The following SNX29 variants were observed in gnomAD, a reference collection of about 807,000 sequenced individuals.
The protein encoded by SNX29 is sorting nexin 29, also known as sorting nexin-29.
Under a neutral mutation model 102.1 loss-of-function variants are expected in SNX29, and 78 were observed. The ratio of observed to expected loss-of-function variants is 0.76; its 90% CI spans 0.64 to 0.92. The LOEUF (loss-of-function observed/expected upper bound fraction) is 0.92, where lower values mean the gene tolerates loss of function less well. Ranked by LOEUF, SNX29 falls within the 40% of genes least tolerant of loss-of-function variation. The pLI, the probability that SNX29 is intolerant of heterozygous loss-of-function variation, is 0.00. For synonymous variants in SNX29, 580 were observed against 414.5 expected (o/e 1.40, Z -4.85); for missense variants, 1,280 against 1,061.7 (o/e 1.21, Z -2.86).
intron 18 of SNX29, among the ~76,000 whole-genome samples, chr16:12,474,881 G>C (rs1325182593): frequency 6.6e-6 from 1 of 152,186 alleles, no homozygotes; most frequent in Non-Finnish European, 1.5e-5. Context: ...TTCTCTACTT[G>C]GTTAAAATAA....
chr16:12,213,186 A>G (rs2077233755), intron 14 of SNX29, among the ~76,000 whole-genome samples: 1 of 152,330 alleles, frequency 6.6e-6, no homozygotes, highest in Admixed American at 6.5e-5. Flanking sequence ...TTTTGCAGCC[A>G]CTTGGATGGA....
intron 13 of SNX29, among the ~76,000 whole-genome samples, chr16:12,171,109 A>G (rs2076140730): frequency 6.6e-6 from 1 of 152,084 alleles, no homozygotes. Flanking sequence ...CTAGCTCCTC[A>G]TGGACCCTGT....
intron 14 of SNX29, among the ~76,000 whole-genome samples, chr16:12,236,022 T>TTTC: frequency 6.6e-6 from 1 of 152,130 alleles, no homozygotes; most frequent in South Asian, 2.1e-4. Context: ...TATTTAAAAC[T>TTTC]CTCTGTTTCC....
At chr16:12,283,512 G>T (rs1405570188) in intron 15 of SNX29, among the ~76,000 whole-genome samples, 2 of 151,888 alleles carry the variant, frequency 1.3e-5, no homozygotes, top group East Asian at 1.9e-4. Flanking sequence ...TAGAGATGGG[G>T]ATTTCACCAT....
At chr16:12,000,941 A>C (rs2056265430) in intron 2 of SNX29, among the ~76,000 whole-genome samples, 1 of 152,148 alleles carries the variant, frequency 6.6e-6, no homozygotes, top group African/African-American at 2.4e-5. Context: ...AAAGTAGGTA[A>C]AGGGCCTGGA....
intron 3 of SNX29, among the ~76,000 whole-genome samples, chr16:12,013,542 T>TATATATATATATATAG: frequency 9.2e-6 from 1 of 109,074 alleles, no homozygotes; most frequent in South Asian, 3.0e-4. Flanking sequence ...TATATATATA[T>TATATATATATATATAG]CGAGAGAGGA....
At chr16:12,548,177 T>C (rs545310129) in intron 20 of SNX29, among the ~76,000 whole-genome samples, 2 of 152,320 alleles carry the variant, frequency 1.3e-5, no homozygotes, top group African/African-American at 4.8e-5. Context: ...ACATTTGCTC[T>C]CTTGCTCATC....
At position 12,509,689 on chromosome 16, in the gene SNX29, T is replaced by C. The variant is rs997267092; in HGVS notation, c.2179-15013T>C. 3.9e-5 allele frequency among the ~76,000 whole-genome samples: 6 copies of C among 152,140 alleles called. No individual in the cohort carries two copies. The East Asian group carries it at 1.2e-3, about 29-fold the overall frequency. ...ATCGCAGCACTTTGGGAGGCCAAGG[T>C]GGGAGGATGGCTTCAGCCCAGGAGT... On this transcript the variant is annotated intron_variant, in intron 19 of 20. Coordinates refer to ENST00000566228, the MANE Select transcript of SNX29 (RefSeq NM_032167.5).
At chr16:12,539,872 T>A (rs376583607) in intron 20 of SNX29, among the ~76,000 whole-genome samples, 1 of 152,258 alleles carries the variant, frequency 6.6e-6, no homozygotes, top group Non-Finnish European at 1.5e-5. Flanking sequence ...TTGCCTGTTC[T>A]TAGAAACTAG....
intron 18 of SNX29, among the ~76,000 whole-genome samples, chr16:12,439,143 C>T (rs1275666839): frequency 6.6e-6 from 1 of 152,204 alleles, no homozygotes; most frequent in Non-Finnish European, 1.5e-5. Context: ...TGCTCTTGTC[C>T]TGGTTGCAGG....
intron 20 of SNX29, among the ~76,000 whole-genome samples, chr16:12,561,697 A>C (rs2078733840): frequency 6.6e-6 from 1 of 152,054 alleles, no homozygotes; most frequent in African/African-American, 2.4e-5. Context: ...CCTTTTCCCC[A>C]ACTCCCCAGT....
chr16:12,042,642 G>T (rs2049929926), intron 4 of SNX29, among the ~76,000 whole-genome samples: 1 of 152,180 alleles, frequency 6.6e-6, no homozygotes, highest in South Asian at 2.1e-4. Flanking sequence ...CCATGTTGCT[G>T]CATAGGACAC....
chr16:12,467,413 T>G (rs2087105283), intron 18 of SNX29, among the ~76,000 whole-genome samples: 1 of 152,224 alleles, frequency 6.6e-6, no homozygotes, highest in Admixed American at 6.5e-5. Flanking sequence ...GACAGTCCCA[T>G]GCTCTGAGCA....
At chr16:12,258,033 A>G (rs1001477599) in intron 14 of SNX29, among the ~76,000 whole-genome samples, 11 of 152,094 alleles carry the variant, frequency 7.2e-5, no homozygotes, top group African/African-American at 2.2e-4. Context: ...CTGGGATGCT[A>G]TTGTAGCTCT....
At chr16:12,288,282 A>G (rs1179815668) in intron 15 of SNX29, among the ~76,000 whole-genome samples, 1 of 152,194 alleles carries the variant, frequency 6.6e-6, no homozygotes, top group Non-Finnish European at 1.5e-5. Flanking sequence ...TATCATGGCA[A>G]CATCCAGGAG....
At chr16:12,008,649 TAA>T (rs2056539707) in intron 3 of SNX29, among the ~76,000 whole-genome samples, 1 of 152,068 alleles carries the variant, frequency 6.6e-6, no homozygotes, top group South Asian at 2.1e-4. Context: ...CTCTCTTTTT[TAA>T]AAGAGTGTGC....
chr16:12,464,984 A>G (rs1417801316), intron 18 of SNX29, among the ~76,000 whole-genome samples: 4 of 152,104 alleles, frequency 2.6e-5, no homozygotes, highest in African/African-American at 7.2e-5. Flanking sequence ...TCCGATTTAC[A>G]CTTCTCTGAT....
chr16:12,010,289 G>C (rs1293874618), intron 3 of SNX29, among the ~76,000 whole-genome samples: 1 of 152,108 alleles, frequency 6.6e-6, no homozygotes, highest in African/African-American at 2.4e-5. Flanking sequence ...CATATGGGTG[G>C]CAGTGAGTTG....
At chr16:12,044,092 A>G (rs2049993239) in intron 5 of SNX29, among the ~76,000 whole-genome samples, 1 of 152,142 alleles carries the variant, frequency 6.6e-6, no homozygotes, top group Non-Finnish European at 1.5e-5. Context: ...TGGACTAGAC[A>G]TGTTGTTTTG....
Sources: allele counts gnomAD v4.1 joint callset (sites outside exome capture counted in the v4.1 genomes callset), GRCh38; gene constraint gnomAD v4.1.1; transcripts MANE v1.5; gene names NCBI Gene and HGNC (gene_info 2026-07-23, HGNC 2026-07-21).